RTF2: variants seen among roughly 807,000 people sequenced by gnomAD.
The protein encoded by RTF2 is UPF0549 protein C20orf43.
A neutral mutation model predicts 38.0 loss-of-function variants in RTF2; 18 were observed. The ratio of observed to expected loss-of-function variants is 0.47; its 90% CI spans 0.33 to 0.70. The LOEUF (loss-of-function observed/expected upper bound fraction) is 0.70, where lower values mean the gene tolerates loss of function less well. RTF2 is among the 30% of genes least tolerant of loss of function. The pLI is 0.02. For missense variants in RTF2, 311 were observed against 379.6 expected (o/e 0.82, Z 1.50); for synonymous variants, 126 against 137.1 (o/e 0.92, Z 0.57).
intron 5 of RTF2, among the ~76,000 whole-genome samples, chr20:56,489,051 G>A (rs1404557821): frequency 6.6e-6 from 1 of 151,714 alleles, no homozygotes; most frequent in Non-Finnish European, 1.5e-5. Context: ...TTATCCTGCT[G>A]TTACTGAAAT....
intron 5 of RTF2, among the ~76,000 whole-genome samples, chr20:56,493,005 G>A (rs1420518840): frequency 2.0e-5 from 3 of 151,966 alleles, no homozygotes; most frequent in African/African-American, 7.3e-5. Context: ...GTGACACCTC[G>A]TCTCTACTAA....
intron 1 of RTF2, 116 bp downstream of exon 1, chr20:56,468,882 T>A (rs898922490): frequency 1.3e-5 from 10 of 795,078 alleles, no homozygotes; most frequent in Middle Eastern, 4.7e-4. Flanking sequence ...GCTGCGGTCT[T>A]TTATTCCATT....
At chr20:56,495,713 TA>T (rs950378828) in intron 5 of RTF2, among the ~76,000 whole-genome samples, 1 of 152,126 alleles carries the variant, frequency 6.6e-6, no homozygotes, top group African/African-American at 2.4e-5. Context: ...GAAATTATAT[TA>T]AAAAAACCCC....
intron 3 of RTF2, 30 bp downstream of exon 3, chr20:56,474,801 G>A: frequency 1.4e-6 from 2 of 1,385,694 alleles, no homozygotes; most frequent in Non-Finnish European, 2.0e-6. Flanking sequence ...AGTGCTGTGA[G>A]GGTCTGAACA....
At chr20:56,508,282 T>G (rs146332497) in intron 5 of RTF2, among the ~76,000 whole-genome samples, 1,987 of 151,962 alleles carry the variant, frequency 0.013, 56 homozygotes, top group African/African-American at 0.046. Flanking sequence ...TGGAAAATCT[T>G]TGGCAACTTC....
rs115363000 is a variant in RTF2, at chr20:56,471,097, G to A, written c.70-2204G>A. On this transcript the variant is annotated intron_variant, in intron 1 of 8. Coordinates refer to ENST00000357348, the MANE Select transcript of RTF2 (RefSeq NM_016407.5). ...AAAGTCGGGGTAGGGACAGTATTAT[G>A]GGACTGAGCCCTTAACCTTTGGGAT... Among the ~76,000 whole-genome samples, 358 of 152,268 alleles carry A rather than the reference G, an allele frequency of 2.4e-3. 3 individuals carry two copies. The highest frequency in any genetic ancestry group is 8.2e-3 in the African/African-American group (339 of 41,542).
At chr20:56,469,869 G>A (rs563335068) in intron 1 of RTF2, among the ~76,000 whole-genome samples, 2 of 152,292 alleles carry the variant, frequency 1.3e-5, no homozygotes, top group South Asian at 2.1e-4. Context: ...TCATCAATCT[G>A]AAATACTCTT....
chr20:56,482,499 G>A (rs1394282930), intron 4 of RTF2, among the ~76,000 whole-genome samples: 1 of 152,186 alleles, frequency 6.6e-6, no homozygotes, highest in East Asian at 1.9e-4. Flanking sequence ...TGGATATAGA[G>A]GATATAGAGG....
chr20:56,515,854 G>A (rs1163184393), intron 6 of RTF2: 2 of 152,132 alleles, frequency 1.3e-5, no homozygotes, highest in Admixed American at 6.5e-5. Context: ...AGAGCTTCTG[G>A]GAATACCTCA....
At chr20:56,472,989 G>T (rs1982050233) in intron 1 of RTF2, among the ~76,000 whole-genome samples, 2 of 152,078 alleles carry the variant, frequency 1.3e-5, no homozygotes, top group African/African-American at 4.8e-5. Flanking sequence ...AAATTAGCCA[G>T]CCCTGGTGGT....
chr20:56,514,702 A>G (rs912080946), intron 6 of RTF2, among the ~76,000 whole-genome samples: 29 of 152,298 alleles, frequency 1.9e-4, no homozygotes, highest in African/African-American at 7.0e-4. Context: ...ATCCAGAATG[A>G]TCAGAAAGAG....
chr20:56,515,663 G>GACAC (rs1228929605), intron 6 of RTF2: 1 of 111,476 alleles, frequency 9.0e-6, no homozygotes, highest in African/African-American at 3.6e-5. Context: ...GTCTCAGACA[G>GACAC]AGACACACAC....
intron 8 of RTF2, among the ~76,000 whole-genome samples, chr20:56,517,659 C>G (rs1382172655): frequency 6.6e-6 from 1 of 152,164 alleles, no homozygotes; most frequent in Non-Finnish European, 1.5e-5. Flanking sequence ...CTCTCTGTAA[C>G]TCAAAGAAAA....
rs140154953 is a variant in RTF2 at position 56,507,285 on chromosome 20, AG to A, written c.478-6027del. Among the ~76,000 whole-genome samples, 467 of 152,126 alleles carry A rather than the reference AG, an allele frequency of 3.1e-3. 1 individual carries two copies. The highest frequency in any genetic ancestry group is 0.011 in the African/African-American group (450 of 41,494). ...CTACCCTTGTTTTCCCTCATCCTTC[AG>A]GGATGAACCACTGCACTCAGGTCTC... is the stretch of plus-strand genomic sequence containing the variant. On this transcript the variant is annotated intron_variant, in intron 5 of 8. Coordinates refer to ENST00000357348, the MANE Select transcript of RTF2 (RefSeq NM_016407.5).
chr20:56,505,729 C>A (rs564714710), intron 5 of RTF2, among the ~76,000 whole-genome samples: 3 of 151,898 alleles, frequency 2.0e-5, no homozygotes, highest in Non-Finnish European at 4.4e-5. Context: ...CACATTGCTG[C>A]GGGAAATGCC....
chr20:56,482,745 G>A (rs943317381), intron 4 of RTF2, among the ~76,000 whole-genome samples: 2 of 152,148 alleles, frequency 1.3e-5, no homozygotes, highest in African/African-American at 4.8e-5. Context: ...ATAATCCCTG[G>A]GAAATTAGAG....
chr20:56,515,468 AGGCTGAGGC>A (rs1237258077), intron 6 of RTF2, among the ~76,000 whole-genome samples: 1 of 152,090 alleles, frequency 6.6e-6, no homozygotes, highest in Non-Finnish European at 1.5e-5. Flanking sequence ...TGTACTCCAG[AGGCTGAGGC>A]GGAAGAATTG....
chr20:56,511,726 C>T (rs2146373214), intron 5 of RTF2, among the ~76,000 whole-genome samples: 1 of 152,274 alleles, frequency 6.6e-6, no homozygotes, highest in East Asian at 1.9e-4. Context: ...CCAGATGTGA[C>T]AGCTAAAAAT....
In RTF2 at chr20:56,517,093, G is replaced by T. The variant is rs779915533; in HGVS notation, c.647-13G>T. 1 of 1,613,790 alleles carries T rather than the reference G, an allele frequency of 6.2e-7. No homozygotes were observed. The highest frequency in any genetic ancestry group is 1.3e-5 in the African/African-American group (1 of 74,892). ...GCATTGTTTTTGCTTTGCCTACTTT[G>T]TTTCTTTTACAGAAGCCCCAGGGCC... On this transcript the variant is annotated splice_polypyrimidine_tract_variant and intron_variant, in intron 7 of 8. Transcript: ENST00000357348.
Sources: gnomAD v4.1 joint callset for allele counts (sites outside exome capture counted in the v4.1 genomes callset) on GRCh38, gnomAD v4.1.1 for gene constraint, MANE v1.5 for transcripts, NCBI Gene and HGNC (gene_info 2026-07-23, HGNC 2026-07-21) for gene names.